PDZD2: variants seen among roughly 807,000 people sequenced by gnomAD.
PDZD2 encodes PDZ domain-containing protein 2.
A neutral mutation model predicts 220.7 loss-of-function variants in PDZD2; 90 were observed. The ratio of observed to expected loss-of-function variants is 0.41; its 90% CI spans 0.34 to 0.49. The LOEUF (loss-of-function observed/expected upper bound fraction) is 0.49, where lower values mean the gene tolerates loss of function less well. PDZD2 is among the 20% of genes least tolerant of loss of function. The probability of loss-of-function intolerance (pLI) is 0.28; values close to 1 mark genes in which losing one functional copy is unlikely to be tolerated. For missense variants in PDZD2, 3,174 were observed against 3,608.5 expected (o/e 0.88, Z 3.08); for synonymous variants, 1,375 against 1,450.5 (o/e 0.95, Z 1.18).
At chr5:32,014,939 C>CTTTTTTTTTTTTTTTTTT (rs746683258) in intron 6 of PDZD2, among the ~76,000 whole-genome samples, 1 of 94,020 alleles carries the variant, frequency 1.1e-5, no homozygotes, top group Non-Finnish European at 2.1e-5. Context: ...CAATCTCTCT[C>CTTTTTTTTTTTTTTTTTT]TTTTTTTTTT....
chr5:31,703,160 T>C (rs555423971), intron 1 of PDZD2, among the ~76,000 whole-genome samples: 38 of 152,342 alleles, frequency 2.5e-4, no homozygotes, highest in African/African-American at 8.7e-4. Flanking sequence ...TTTGCCTTAA[T>C]TGTAAAGAGC....
At position 32,091,194 on chromosome 5, in the gene PDZD2, C is replaced by T. The variant is rs757556900; in HGVS notation, c.7727+19C>T. ...CAGTTAAGTAAGTATCTGCCCACTA[C>T]TTTTATTTCAGATAAACTTGTTTCA... On this transcript the variant is annotated intron_variant, in intron 20 of 24. Transcript: ENST00000438447. 6.8e-7 allele frequency: 1 copy of T among 1,479,050 alleles called. No homozygotes were observed. Among genetic ancestry groups the T allele is most frequent in the South Asian group, 1.4e-5 (1 of 71,990 alleles). The allele number at this position is 1,479,050 out of a possible 1,614,324, so 91.6% of individuals were successfully genotyped here. A position where few individuals can be genotyped will look rare whatever the true frequency, so the allele number is the denominator to read the frequency against.
Position 31,691,635 on chromosome 5 carries a change from C to T in PDZD2, c.-361+52198C>T, listed in dbSNP as rs187771045. On this transcript the variant is annotated intron_variant, in intron 1 of 24. Coordinates refer to ENST00000438447, the MANE Select transcript of PDZD2 (RefSeq NM_178140.4). ...TCTGGCCCCTGCTGATTGGTAGAGC[C>T]CAGTGGTCTGTTTTGACAGGGCACT... is the stretch of plus-strand genomic sequence containing the variant. 6.9e-3 allele frequency among the ~76,000 whole-genome samples: 1,056 copies of T among 151,958 alleles called. 14 individuals carry two copies. Among genetic ancestry groups the T allele is most frequent in the Non-Finnish European group, 0.012 (809 of 67,958 alleles).
chr5:31,822,871 C>T (rs533797438), intron 2 of PDZD2: 58 of 789,292 alleles, frequency 7.3e-5, no homozygotes, highest in African/African-American at 3.8e-4. Context: ...CATCTTGTAA[C>T]GGAAGCCCAG....
Position 31,959,919 on chromosome 5 carries a change from G to A in PDZD2, c.477-23236G>A, listed in dbSNP as rs914215326. On this transcript the variant is annotated intron_variant, in intron 2 of 24. Coordinates refer to ENST00000438447, the MANE Select transcript of PDZD2 (RefSeq NM_178140.4). Reference sequence around the variant, plus strand: ...GTTGGAGGCATTCCTGGCATTTCTCGGCTGGTAGACACATCCCTCAGTCTC... The same window carrying A: ...GTTGGAGGCATTCCTGGCATTTCTCAGCTGGTAGACACATCCCTCAGTCTC... Among the ~76,000 whole-genome samples, 12 of 151,954 alleles carry A rather than the reference G, an allele frequency of 7.9e-5. No individual in the cohort carries two copies. In the South Asian group the frequency reaches 8.3e-4, roughly 11 times the overall value.
At chr5:32,061,868 CTTAA>C (rs1283178411) in intron 14 of PDZD2, among the ~76,000 whole-genome samples, 2 of 152,018 alleles carry the variant, frequency 1.3e-5, no homozygotes, top group Admixed American at 6.5e-5. Flanking sequence ...GGGTAATATA[CTTAA>C]TTAATTTAAA....
At chr5:31,815,494 G>A (rs1755393958) in intron 2 of PDZD2, among the ~76,000 whole-genome samples, 1 of 152,150 alleles carries the variant, frequency 6.6e-6, no homozygotes, top group Non-Finnish European at 1.5e-5. Flanking sequence ...GTCATGTGAT[G>A]CTATACTAGA....
chr5:31,799,753 G>A lies in PDZD2; in HGVS notation c.476+29G>A, dbSNP rs201345873. 4.1e-6 allele frequency: 6 copies of A among 1,478,462 alleles called. No homozygotes were observed. In the East Asian group the frequency reaches 1.4e-4, roughly 34 times the overall value. 91.6% of individuals were successfully genotyped at this position (1,478,462 alleles called of 1,614,324 possible). On this transcript the variant is annotated intron_variant, in intron 2 of 24. Coordinates refer to ENST00000438447, the MANE Select transcript of PDZD2 (RefSeq NM_178140.4). ...AGTAGGGGGAATGCCTGCTGGCACA[G>A]GGGCTGGACACGGGAACCTGGTGGT...
At chr5:31,882,171 A>C (rs544910827) in intron 2 of PDZD2, among the ~76,000 whole-genome samples, 3 of 152,352 alleles carry the variant, frequency 2.0e-5, no homozygotes, top group Admixed American at 6.5e-5. Context: ...AGCCACATGC[A>C]TACATCGACA....
chr5:31,826,859 A>G (rs1187725077), intron 2 of PDZD2, among the ~76,000 whole-genome samples: 2 of 152,168 alleles, frequency 1.3e-5, no homozygotes, highest in Non-Finnish European at 2.9e-5. Context: ...GAGGAAATAT[A>G]GGCTGAGAAA....
chr5:31,766,264 C>A (rs1328232891), intron 1 of PDZD2, among the ~76,000 whole-genome samples: 1 of 152,162 alleles, frequency 6.6e-6, no homozygotes, highest in Non-Finnish European at 1.5e-5. Flanking sequence ...CAAAAGTATT[C>A]CCTTTATAGT....
At chr5:32,086,983 C>T in intron 19 of PDZD2, 148 bp from the exon 20 acceptor site, 1 of 580,106 alleles carries the variant, frequency 1.7e-6, no homozygotes, top group Non-Finnish European at 3.0e-6. Context: ...GCCACCACGC[C>T]CAGCTTTCTG....
chr5:31,684,307 C>T (rs1746765046), intron 1 of PDZD2, among the ~76,000 whole-genome samples: 1 of 152,130 alleles, frequency 6.6e-6, no homozygotes, highest in African/African-American at 2.4e-5. Context: ...TTGATGGTGC[C>T]ATCATCTACC....
intron 1 of PDZD2, among the ~76,000 whole-genome samples, chr5:31,748,652 A>G (rs1055685631): frequency 6.6e-6 from 1 of 152,188 alleles, no homozygotes; most frequent in Non-Finnish European, 1.5e-5. Flanking sequence ...ATTCCTGGCA[A>G]GGGGTGGGTG....
intron 7 of PDZD2, among the ~76,000 whole-genome samples, chr5:32,048,274 C>T (rs1341145092): frequency 6.6e-6 from 1 of 152,216 alleles, no homozygotes; most frequent in Admixed American, 6.5e-5. Context: ...ATTGGGAACA[C>T]ACATTTACAT....
intron 7 of PDZD2, among the ~76,000 whole-genome samples, chr5:32,038,905 A>T (rs1755778043): frequency 6.6e-6 from 1 of 152,254 alleles, no homozygotes; most frequent in Non-Finnish European, 1.5e-5. Flanking sequence ...AAGGCTGAGC[A>T]GATTTTTAAG....
intron 2 of PDZD2, among the ~76,000 whole-genome samples, chr5:31,850,084 A>G (rs1342264639): frequency 7.1e-6 from 1 of 140,282 alleles, no homozygotes; most frequent in Non-Finnish European, 1.5e-5. Flanking sequence ...GTGTATATAT[A>G]AGTATATATA....
chr5:31,840,409 TA>T lies in PDZD2; in HGVS notation c.476+40686del, dbSNP rs1175894227. 1.9e-4 allele frequency: 14 copies of T among 71,958 alleles called. 1 individual carries two copies. Among genetic ancestry groups the T allele is most frequent in the African/African-American group, 5.0e-4 (10 of 20,138 alleles). The allele number at this position is 71,958 out of a possible 1,614,324, so 4.5% of individuals were successfully genotyped here. On this transcript the variant is annotated intron_variant, in intron 2 of 24. Transcript: ENST00000438447. ...TAGTCATTTTCATTATATATATATA[TA>T]TATATATATATATATATATATATAT...
chr5:31,883,371 C>T (rs1316695455), intron 2 of PDZD2, among the ~76,000 whole-genome samples: 2 of 151,450 alleles, frequency 1.3e-5, no homozygotes, highest in Admixed American at 1.3e-4. Context: ...CAGGTGTGTA[C>T]CACCAGGCCG....
Sources: gnomAD v4.1 joint callset for allele counts (sites outside exome capture counted in the v4.1 genomes callset) on GRCh38, gnomAD v4.1.1 for gene constraint, MANE v1.5 for transcripts, NCBI Gene and HGNC (gene_info 2026-07-23, HGNC 2026-07-21) for gene names.